ZNF431: variants seen among roughly 807,000 people sequenced by gnomAD.
ZNF431 encodes the protein zinc finger protein 431.
ZNF431 carries 34 observed loss-of-function variants against 57.0 expected under a neutral mutation model. That is an observed-to-expected ratio of 0.60 (90% CI 0.45 to 0.79). The LOEUF (loss-of-function observed/expected upper bound fraction) is 0.79. Among genes scored for constraint, ZNF431 ranks in the 30% least tolerant of loss-of-function variants. The probability of loss-of-function intolerance (pLI) is 0.00; values close to 1 mark genes in which losing one functional copy is unlikely to be tolerated. For synonymous variants in ZNF431, 207 were observed against 220.3 expected (o/e 0.94, Z 0.54); for missense variants, 607 against 667.1 (o/e 0.91, Z 0.99).
At chr19:21,159,061 C>A (rs945558892) in intron 2 of ZNF431, among the ~76,000 whole-genome samples, 2 of 152,108 alleles carry the variant, frequency 1.3e-5, no homozygotes, top group African/African-American at 4.8e-5. Context: ...TTTTTAGCAT[C>A]TATTGAGATA....
At chr19:21,176,031 C>T (rs571225164) in intron 4 of ZNF431, among the ~76,000 whole-genome samples, 3 of 152,334 alleles carry the variant, frequency 2.0e-5, no homozygotes, top group Non-Finnish European at 2.9e-5. Context: ...AACTAATTTA[C>T]ATTCCCACCA....
At position 21,195,212 on chromosome 19, in the gene ZNF431, TTAG is replaced by T. The variant is rs1891740447; in HGVS notation, c.*11182_*11184del. On this transcript the variant is annotated 3_prime_UTR_variant, in exon 5 of 5. Transcript: ENST00000311048. ...ACGACATGCTTAATACAAATTATTA[TTAG>T]TAGAAATGCTGAATTGCTTCATTTC... The T allele has an allele frequency of 6.6e-6, 1 of 152,216 alleles. No homozygotes were observed. The highest frequency in any genetic ancestry group is 1.5e-5 in the Non-Finnish European group (1 of 68,026). The allele number at this position is 152,216 out of a possible 1,614,324, so 9.4% of individuals were successfully genotyped here.
At chr19:21,178,114 T>C (rs1971111808) in intron 4 of ZNF431, among the ~76,000 whole-genome samples, 1 of 152,188 alleles carries the variant, frequency 6.6e-6, no homozygotes, top group Non-Finnish European at 1.5e-5. Flanking sequence ...GATTTCGCTC[T>C]CTGTTTGTTT....
At chr19:21,179,267 TCTAG>T (rs2145039787) in intron 4 of ZNF431, among the ~76,000 whole-genome samples, 1 of 152,280 alleles carries the variant, frequency 6.6e-6, no homozygotes, top group Non-Finnish European at 1.5e-5. Context: ...GTTTTATTAG[TCTAG>T]CTAGCAGTCT....
At chr19:21,157,715 T>A (rs1403198545) in intron 2 of ZNF431, among the ~76,000 whole-genome samples, 1 of 151,826 alleles carries the variant, frequency 6.6e-6, no homozygotes, top group Non-Finnish European at 1.5e-5. Flanking sequence ...TGGATTTTTT[T>A]AGTAGAGACG....
At chr19:21,151,956 C>A (rs190448802) in intron 2 of ZNF431, among the ~76,000 whole-genome samples, 229 of 152,388 alleles carry the variant, frequency 1.5e-3, no homozygotes, top group Non-Finnish European at 2.7e-3. Flanking sequence ...TGCCAGGCTT[C>A]TGGGTTCCAT....
chr19:21,151,655 GC>G (rs1329100016), intron 2 of ZNF431, among the ~76,000 whole-genome samples: 2 of 152,122 alleles, frequency 1.3e-5, no homozygotes, highest in Non-Finnish European at 2.9e-5. Context: ...AGCTTCCAAG[GC>G]CATGACTGAG....
chr19:21,194,195 G>A lies in ZNF431; in HGVS notation c.*10161G>A, dbSNP rs1340019755. 1 of 152,156 alleles carries A rather than the reference G, an allele frequency of 6.6e-6. No homozygotes were observed. Among genetic ancestry groups the A allele is most frequent in the Non-Finnish European group, 1.5e-5 (1 of 68,014 alleles). 9.4% of individuals were successfully genotyped at this position (152,156 alleles called of 1,614,324 possible). A position where few individuals can be genotyped will look rare whatever the true frequency, so the allele number is the denominator to read the frequency against. On this transcript the variant is annotated 3_prime_UTR_variant, in exon 5 of 5. Coordinates refer to ENST00000311048, the MANE Select transcript of ZNF431 (RefSeq NM_133473.4). ...CAAAATTGATATACAAAAATGAATA[G>A]CATTGCCTTACACCAATAACATTCA...
rs553383147 is a variant in ZNF431 at position 21,146,699 on chromosome 19, C to G, written c.96+3056C>G. ...GGTTTTGGTAGGTTTTATTTGACTT[C>G]TTTATTGCAACCTGTTTTGTCCACA... On this transcript the variant is annotated intron_variant, in intron 2 of 4. Transcript: ENST00000311048. Among the ~76,000 whole-genome samples, 6 of 152,246 alleles carry G rather than the reference C, an allele frequency of 3.9e-5. No homozygotes were observed. In the East Asian group the frequency reaches 1.2e-3, roughly 29 times the overall value.
At chr19:21,175,541 T>TA (rs1354927520) in intron 4 of ZNF431, 1 of 632,110 alleles carries the variant, frequency 1.6e-6, no homozygotes, top group African/African-American at 1.8e-5. Context: ...ACCTCGGTGA[T>TA]AAGCCCTGCA....
intron 2 of ZNF431, among the ~76,000 whole-genome samples, chr19:21,161,604 C>T (rs1970565864): frequency 6.6e-6 from 1 of 152,078 alleles, no homozygotes; most frequent in Non-Finnish European, 1.5e-5. Flanking sequence ...GCATAGAGAA[C>T]AGAATTCTAC....
chr19:21,153,148 G>T (rs1189684622), intron 2 of ZNF431, among the ~76,000 whole-genome samples: 1 of 152,206 alleles, frequency 6.6e-6, no homozygotes, highest in East Asian at 1.9e-4. Context: ...GCACTGGTGG[G>T]AGTGTAGCAG....
intron 2 of ZNF431, among the ~76,000 whole-genome samples, chr19:21,160,937 A>G (rs1432935508): frequency 6.6e-6 from 1 of 152,180 alleles, no homozygotes; most frequent in Non-Finnish European, 1.5e-5. Context: ...TGGGAGGCCA[A>G]GGTGGGTGGA....
intron 4 of ZNF431, among the ~76,000 whole-genome samples, chr19:21,175,833 C>G (rs1216302648): frequency 6.6e-6 from 1 of 152,192 alleles, no homozygotes; most frequent in African/African-American, 2.4e-5. Flanking sequence ...CATAGATGGG[C>G]ATTTGGGTTG....
At chr19:21,163,848 A>G (rs1970645118) in intron 2 of ZNF431, among the ~76,000 whole-genome samples, 3 of 152,034 alleles carry the variant, frequency 2.0e-5, no homozygotes, top group Non-Finnish European at 2.9e-5. Flanking sequence ...TAAGCTCATT[A>G]AAGCTTGAGA....
Position 21,166,370 on chromosome 19 carries a change from C to T in ZNF431, c.132C>T (p.Phe44=), listed in dbSNP as rs761756263. 24 of 1,613,206 alleles carry T rather than the reference C, an allele frequency of 1.5e-5. No homozygotes were observed. In the South Asian group the frequency reaches 2.5e-4, roughly 17 times the overall value. The change falls in exon 3 of 5, where the codon TTC becomes TTT. Residue 44 remains phenylalanine (F), a synonymous_variant. Coordinates refer to ENST00000311048, the MANE Select transcript of ZNF431 (RefSeq NM_133473.4). The part of the protein sequence containing the change: ...TLTFRDVAIE[F]SLEEWECLNP... ...CATTTAGGGATGTGGCCATAGAATT[C>T]TCTCTGGAGGAGTGGGAATGCCTGA...
At chr19:21,182,417 CTT>C in intron 4 of ZNF431, among the ~76,000 whole-genome samples, 1 of 152,258 alleles carries the variant, frequency 6.6e-6, no homozygotes, top group East Asian at 1.9e-4. Context: ...ACCTGGGGAA[CTT>C]TACACACTTG....
At chr19:21,171,101 A>G (rs990550293) in intron 4 of ZNF431, among the ~76,000 whole-genome samples, 1 of 152,242 alleles carries the variant, frequency 6.6e-6, no homozygotes, top group Non-Finnish European at 1.5e-5. Flanking sequence ...AGTGGTTTCA[A>G]TTTTGTGTAA....
chr19:21,183,753 T>C lies in ZNF431; in HGVS notation c.1450T>C (p.Tyr484His), dbSNP rs2145055000. ...HKRIHTGEKP[Y>H]KCEECGKAFN... ...GAGAATTCACACTGGAGAGAAACCC[T>C]ACAAATGTGAAGAATGTGGCAAAGC... The change falls in exon 5 of 5, where the codon TAC (tyrosine) becomes CAC (histidine). Residue 484 changes from tyrosine (Y) to histidine (H), a missense_variant. Physicochemically the swap from Tyr to His is moderately conservative, Grantham distance 83 (BLOSUM62 2). Coordinates refer to ENST00000311048, the MANE Select transcript of ZNF431 (RefSeq NM_133473.4). 2 of 1,613,994 alleles carry C rather than the reference T, an allele frequency of 1.2e-6. No individual in the cohort carries two copies. Among genetic ancestry groups the C allele is most frequent in the East Asian group, 2.2e-5 (1 of 44,868 alleles).
Sources: allele counts gnomAD v4.1 joint callset (sites outside exome capture counted in the v4.1 genomes callset), GRCh38; gene constraint gnomAD v4.1.1; transcripts MANE v1.5; gene names NCBI Gene and HGNC (gene_info 2026-07-23, HGNC 2026-07-21).